The following UTRN variants were observed in gnomAD, a reference collection of about 807,000 sequenced individuals.
The protein encoded by UTRN is dystrophin-related protein 1.
UTRN carries 283 observed loss-of-function variants against 463.9 expected under a neutral mutation model. That is an observed-to-expected ratio of 0.61 (90% CI 0.55 to 0.67). The LOEUF (loss-of-function observed/expected upper bound fraction) is 0.67, where lower values mean the gene tolerates loss of function less well. UTRN is among the 30% of genes least tolerant of loss of function. UTRN has a pLI of 0.00. For synonymous variants in UTRN, 1,442 were observed against 1,431.5 expected, an observed-to-expected ratio of 1.01 and a Z score of -0.17; for missense variants, 3,922 against 4,084.3, an observed-to-expected ratio of 0.96 and a Z score of 1.08.
At chr6:144,612,359 A>G (rs534676410) in intron 51 of UTRN, among the ~76,000 whole-genome samples, 3 of 152,202 alleles carry the variant, frequency 2.0e-5, no homozygotes, top group South Asian at 4.2e-4. Flanking sequence ...AAATAGGCAA[A>G]TGGGATTGAA....
intron 2 of UTRN, among the ~76,000 whole-genome samples, chr6:144,363,251 G>C (rs1294749615): frequency 1.3e-5 from 2 of 152,138 alleles, no homozygotes; most frequent in East Asian, 1.9e-4. Flanking sequence ...TGTTAGGAAA[G>C]AGTCTGTCCA....
chr6:144,607,577 G>C (rs1177349255), intron 51 of UTRN, among the ~76,000 whole-genome samples: 4 of 152,140 alleles, frequency 2.6e-5, no homozygotes, highest in Non-Finnish European at 5.9e-5. Flanking sequence ...CTGGGTAAAG[G>C]CTATTTGTCT....
Position 144,286,757 on chromosome 6 carries a change from A to T in UTRN, c.-93+936A>T, listed in dbSNP as rs570859673. ...AGTGCGTTTTTCGAGGAGGAGGGAGAAAACGTTGCCCGACCTCCGAGAGAG... is the reference window on the plus strand; with the variant it reads ...AGTGCGTTTTTCGAGGAGGAGGGAGTAAACGTTGCCCGACCTCCGAGAGAG... On this transcript the variant is annotated intron_variant, in intron 1 of 74. Transcript: ENST00000367545. The surrounding 1 kb of genome is among the most constrained non-coding windows in gnomAD (Gnocchi z 4.4). Among the ~76,000 whole-genome samples, 1 of 150,742 alleles carries T rather than the reference A, an allele frequency of 6.6e-6. No homozygotes were observed. Among genetic ancestry groups the T allele is most frequent in the East Asian group, 2.0e-4 (1 of 5,054 alleles).
rs1447283518 is a variant in UTRN, at chr6:144,421,620, C to T, written c.142-258C>T. Among the ~76,000 whole-genome samples, 7 of 151,686 alleles carry T rather than the reference C, an allele frequency of 4.6e-5. 1 individual carries two copies. Among genetic ancestry groups the T allele is most frequent in the African/African-American group, 9.7e-5 (4 of 41,384 alleles). ...AGGAGAATGGCGTGAACCCTGGAGG[C>T]GGAGGTTGCAGTGAGCTGAGATCAC... On this transcript the variant is annotated intron_variant, in intron 3 of 74. Coordinates refer to ENST00000367545, the MANE Select transcript of UTRN (RefSeq NM_007124.3).
intron 58 of UTRN, among the ~76,000 whole-genome samples, chr6:144,770,342 T>C (rs957256503): frequency 2.0e-5 from 3 of 152,218 alleles, no homozygotes; most frequent in African/African-American, 7.2e-5. Context: ...AGTGATGATA[T>C]TCTTTTCCCA....
intron 2 of UTRN, among the ~76,000 whole-genome samples, chr6:144,373,431 C>T (rs1462136802): frequency 2.0e-5 from 3 of 152,120 alleles, no homozygotes; most frequent in African/African-American, 7.2e-5. Flanking sequence ...GGTGACATAT[C>T]CTATGATTCC....
chr6:144,819,144 G>A (rs1454066332), intron 65 of UTRN, among the ~76,000 whole-genome samples: 1 of 152,190 alleles, frequency 6.6e-6, no homozygotes, highest in African/African-American at 2.4e-5. Flanking sequence ...CCTGGTGATA[G>A]CATGGGGCTG....
At chr6:144,774,530 C>A (rs1167725980) in intron 60 of UTRN, among the ~76,000 whole-genome samples, 166 bp downstream of exon 60, 1 of 152,004 alleles carries the variant, frequency 6.6e-6, no homozygotes, top group African/African-American at 2.4e-5. Context: ...TTATTACTTG[C>A]CCCATCAGTG....
At chr6:144,603,066 G>C (rs1804432459) in intron 51 of UTRN, among the ~76,000 whole-genome samples, 1 of 152,042 alleles carries the variant, frequency 6.6e-6, no homozygotes, top group Non-Finnish European at 1.5e-5. Flanking sequence ...GTCTTTTATA[G>C]AATTCCTTTT....
At chr6:144,307,361 T>C (rs1805836308) in intron 2 of UTRN, among the ~76,000 whole-genome samples, 1 of 152,218 alleles carries the variant, frequency 6.6e-6, no homozygotes, top group African/African-American at 2.4e-5. Flanking sequence ...TCCTGCAATA[T>C]GTGCAGAAGT....
intron 17 of UTRN, 112 bp from the exon 18 acceptor site, chr6:144,451,258 G>T: frequency 7.9e-7 from 1 of 1,273,014 alleles, no homozygotes. Context: ...GCTGTTTTTG[G>T]GGGAGTGATA....
chr6:144,587,046 T>C (rs1802533750), intron 51 of UTRN, among the ~76,000 whole-genome samples: 1 of 152,226 alleles, frequency 6.6e-6, no homozygotes, highest in African/African-American at 2.4e-5. Flanking sequence ...AAATCATGTA[T>C]TAAATATTAG....
rs186821726 is a variant in UTRN at position 144,778,162 on chromosome 6, C to G, written c.8633-3760C>G. ...GAGAACAGAGAATGGGTAAATAGTTCAGGTGAAGGATGATCAAAGCTGAGC... is the reference window on the plus strand; with the variant it reads ...GAGAACAGAGAATGGGTAAATAGTTGAGGTGAAGGATGATCAAAGCTGAGC... On this transcript the variant is annotated intron_variant, in intron 60 of 74. Coordinates refer to ENST00000367545, the MANE Select transcript of UTRN (RefSeq NM_007124.3). Among the ~76,000 whole-genome samples, 3 of 152,182 alleles carry G rather than the reference C, an allele frequency of 2.0e-5. No homozygotes were observed. The East Asian group carries it at 5.8e-4, about 29-fold the overall frequency.
In UTRN at chr6:144,513,945, G is replaced by A. The variant is rs375809473; in HGVS notation, c.4981G>A (p.Val1661Met). 1.7e-5 allele frequency: 28 copies of A among 1,613,836 alleles called. No homozygotes were observed. The highest frequency in any genetic ancestry group is 1.5e-4 in the African/African-American group (11 of 74,912). ...QNQLEIFDGN[V>M]AHISTWLYQA... ...CCAGCTAGAAATATTTGATGGGAAC[G>A]TGGCTCACATAAGTACCTGGCTTTA... The change falls in exon 36 of 75, where the codon GTG becomes ATG. Residue 1661 changes from valine to methionine, a missense_variant. Val to Met is a conservative substitution (Grantham distance 21). This residue lies in a region of UTRN where 2,349 missense variants were observed against 2,303.8 expected (regional missense o/e 1.02). Coordinates refer to ENST00000367545, the MANE Select transcript of UTRN (RefSeq NM_007124.3).
intron 50 of UTRN, among the ~76,000 whole-genome samples, chr6:144,566,844 A>G (rs1800446798): frequency 6.6e-6 from 1 of 152,034 alleles, no homozygotes. Context: ...AAAGGAAAAG[A>G]CTTCATGAAA....
intron 51 of UTRN, among the ~76,000 whole-genome samples, chr6:144,600,458 G>A (rs1332723351): frequency 3.9e-5 from 6 of 152,200 alleles, no homozygotes; most frequent in South Asian, 2.1e-4. Context: ...TGTTGATAGT[G>A]AGAACATTTT....
intron 2 of UTRN, among the ~76,000 whole-genome samples, chr6:144,311,158 A>G (rs1483641640): frequency 6.6e-6 from 1 of 152,252 alleles, no homozygotes; most frequent in Non-Finnish European, 1.5e-5. Flanking sequence ...TAAGCACTCT[A>G]AAAGGTCCCA....
intron 23 of UTRN, among the ~76,000 whole-genome samples, chr6:144,470,970 G>GCGGCAGGA (rs1790547015): frequency 6.6e-6 from 1 of 150,508 alleles, no homozygotes; most frequent in Non-Finnish European, 1.5e-5. Flanking sequence ...AGCCGAGATG[G>GCGGCAGGA]CGGCAGGACA....
At chr6:144,632,580 G>T (rs1477552554) in intron 51 of UTRN, among the ~76,000 whole-genome samples, 3 of 152,014 alleles carry the variant, frequency 2.0e-5, no homozygotes, top group African/African-American at 7.3e-5. Flanking sequence ...CCTCAGTCTT[G>T]AACTGCAGAA....
Sources: allele counts gnomAD v4.1 joint callset (sites outside exome capture counted in the v4.1 genomes callset), GRCh38; gene constraint gnomAD v4.1.1; regional missense constraint gnomAD v4.1.1; non-coding constraint Gnocchi (gnomAD v3.1); transcripts MANE v1.5; gene names NCBI Gene and HGNC (gene_info 2026-07-23, HGNC 2026-07-21).